DDC: variants seen among roughly 807,000 people sequenced by gnomAD.
DDC encodes the protein dopa decarboxylase.
DDC carries 43 observed loss-of-function variants against 60.0 expected under a neutral mutation model. The observed-to-expected ratio is 0.72, with a 90% confidence interval of 0.56 to 0.92. DDC has a LOEUF of 0.92. DDC is among the 40% of genes least tolerant of loss of function. The probability of loss-of-function intolerance (pLI) is 0.00; values close to 1 mark genes in which losing one functional copy is unlikely to be tolerated. For missense variants in DDC, 573 were observed against 620.2 expected (o/e 0.92, Z 0.81); for synonymous variants, 232 against 234.6 (o/e 0.99, Z 0.10).
At chr7:50,511,822 A>G (rs1488666164) in intron 6 of DDC, among the ~76,000 whole-genome samples, 1 of 152,232 alleles carries the variant, frequency 6.6e-6, no homozygotes, top group African/African-American at 2.4e-5. Flanking sequence ...AAACAAGAGA[A>G]GGCAAAGAAT....
chr7:50,521,307 T>TA (rs2043883576), intron 6 of DDC, among the ~76,000 whole-genome samples: 1 of 152,096 alleles, frequency 6.6e-6, no homozygotes, highest in Non-Finnish European at 1.5e-5. Context: ...GATCAATAAT[T>TA]AAAAACCTTC....
At chr7:50,505,804 T>C (rs1468688632) in intron 6 of DDC, among the ~76,000 whole-genome samples, 1 of 152,238 alleles carries the variant, frequency 6.6e-6, no homozygotes, top group East Asian at 1.9e-4. Flanking sequence ...GCTCTCTGTG[T>C]CACTGAGCTA....
intron 2 of DDC, among the ~76,000 whole-genome samples, chr7:50,540,941 CA>C (rs1013569102): frequency 1.3e-5 from 2 of 152,208 alleles, no homozygotes; most frequent in African/African-American, 4.8e-5. Context: ...GGAGGACGAT[CA>C]GGGGAGGACA....
At chr7:50,512,318 A>G (rs2043601376) in intron 6 of DDC, among the ~76,000 whole-genome samples, 1 of 152,220 alleles carries the variant, frequency 6.6e-6, no homozygotes, top group South Asian at 2.1e-4. Flanking sequence ...TTACAGATAT[A>G]GGGTAAAGAG....
chr7:50,501,085 G>A (rs554505854), intron 7 of DDC, among the ~76,000 whole-genome samples: 243 of 152,294 alleles, frequency 1.6e-3, no homozygotes, highest in South Asian at 6.2e-3. Context: ...TGCACCAGGG[G>A]CACACCTAGC....
At chr7:50,482,866 A>G (rs552504043) in intron 9 of DDC, among the ~76,000 whole-genome samples, 5 of 152,350 alleles carry the variant, frequency 3.3e-5, no homozygotes, top group African/African-American at 1.2e-4. Flanking sequence ...AACCTTAAAA[A>G]TGTTAGTGTA....
rs771833787 is a variant in DDC, at chr7:50,499,140, G to A, written c.876+8C>T. On this transcript the variant is annotated splice_region_variant and intron_variant, in intron 8 of 14. Transcript: ENST00000444124. ...AACAGCCTTAGGGAGAGCGAAGGGTGCACCTACCTCCACTCCATTCAGAAG... is the reference window on the plus strand; with the variant it reads ...AACAGCCTTAGGGAGAGCGAAGGGTACACCTACCTCCACTCCATTCAGAAG... 54 of 1,608,262 alleles carry A rather than the reference G, an allele frequency of 3.4e-5. No individual in the cohort carries two copies. Among genetic ancestry groups the A allele is most frequent in the Non-Finnish European group, 4.6e-5 (54 of 1,174,884 alleles).
chr7:50,459,394 C>T lies in DDC; in HGVS notation c.*19-551G>A, dbSNP rs192464796. Among the ~76,000 whole-genome samples the T allele has an allele frequency of 3.9e-3, 589 of 151,804 alleles. 1 individual carries two copies. The highest frequency in any genetic ancestry group is 7.1e-3 in the Non-Finnish European group (484 of 67,892). On this transcript the variant is annotated intron_variant, in intron 14 of 14. Coordinates refer to ENST00000444124, the MANE Select transcript of DDC (RefSeq NM_001082971.2). ...CGGCCGCCACCCCGGTTGGGAAGTGCGGAGCGTCTCTGCCTGGCCGCCCAT... is the reference window on the plus strand; with the variant it reads ...CGGCCGCCACCCCGGTTGGGAAGTGTGGAGCGTCTCTGCCTGGCCGCCCAT...
At chr7:50,544,542 T>C (rs1044610530) in intron 1 of DDC, among the ~76,000 whole-genome samples, 1 of 152,118 alleles carries the variant, frequency 6.6e-6, no homozygotes. Context: ...CAGGAGGGCA[T>C]GAAGGCACAG....
chr7:50,522,364 A>T (rs1396879481), intron 6 of DDC, among the ~76,000 whole-genome samples: 1 of 152,218 alleles, frequency 6.6e-6, no homozygotes, highest in Non-Finnish European at 1.5e-5. Context: ...GCGTAAATTC[A>T]ATGCAATCCT....
At chr7:50,530,247 C>G (rs897200843) in intron 4 of DDC, among the ~76,000 whole-genome samples, 2 of 151,698 alleles carry the variant, frequency 1.3e-5, no homozygotes, top group Non-Finnish European at 2.9e-5. Flanking sequence ...AGAGTGAGAC[C>G]CAGTCTCAAA....
chr7:50,499,217 G>C lies in DDC; in HGVS notation c.807C>G (p.His269Gln). 1.9e-6 allele frequency: 3 copies of C among 1,613,326 alleles called. No individual in the cohort carries two copies. Among genetic ancestry groups the C allele is most frequent in the Non-Finnish European group, 2.5e-6 (3 of 1,179,574 alleles). ...PICNKEDIWL[H>Q]VDAAYAGSAF... ...CACTGCCTGCGTAGGCTGCATCAAC[G>C]TGCAGCCATATGTCTTCCTTGTTGC... Residue 269 changes from histidine (H) to glutamine (Q), a missense_variant, in exon 8 of 15, where the codon CAC becomes CAG. Transcript: ENST00000444124.
intron 6 of DDC, among the ~76,000 whole-genome samples, chr7:50,507,907 G>A (rs773779532): frequency 5.3e-5 from 8 of 152,210 alleles, no homozygotes; most frequent in African/African-American, 9.6e-5. Flanking sequence ...CCACTTTACA[G>A]TTGACTTATG....
intron 4 of DDC, among the ~76,000 whole-genome samples, chr7:50,535,161 T>C (rs908926646): frequency 6.8e-6 from 1 of 146,220 alleles, no homozygotes; most frequent in African/African-American, 2.5e-5. Flanking sequence ...CTTTTCTTTC[T>C]TTTTTTTTTT....
rs1389329468 is a variant in DDC at position 50,463,361 on chromosome 7, C to T, written c.1313G>A (p.Cys438Tyr). 4 of 1,614,228 alleles carry T rather than the reference C, an allele frequency of 2.5e-6. No individual in the cohort carries two copies. Among genetic ancestry groups the T allele is most frequent in the Non-Finnish European group, 3.4e-6 (4 of 1,180,036 alleles). ...CAGGACAAACTTGTCCCTGAGGTGA[C>T]ATGGAACCAAGTGGATTTTTTTGGC... ...NSAKKIHLVP[C>Y]HLRDKFVLRF... is the part of the protein sequence containing the mutation. The change falls in exon 14 of 15, where the codon TGT (cysteine) becomes TAT (tyrosine). Residue 438 changes from cysteine (C) to tyrosine (Y), a missense_variant. Transcript: ENST00000444124.
At chr7:50,492,835 T>G in intron 9 of DDC, 2 of 1,533,310 alleles carry the variant, frequency 1.3e-6, no homozygotes, top group South Asian at 2.4e-5. Flanking sequence ...CCGGGAGAGA[T>G]GAGCGCACAG....
intron 6 of DDC, among the ~76,000 whole-genome samples, chr7:50,510,358 A>T (rs558672493): frequency 6.6e-6 from 1 of 152,270 alleles, no homozygotes; most frequent in African/African-American, 2.4e-5. Flanking sequence ...TTTTAAGTGC[A>T]CCAATTACTA....
At position 50,482,988 on chromosome 7, in the gene DDC, T is replaced by C. The variant is rs112224290; in HGVS notation, c.945-3125A>G. Reference sequence around the variant, plus strand: ...TATGTCTTCCATACTGATCCTTACATGTTTACTTCTTTATCTTTTTTTTTT... The same window carrying C: ...TATGTCTTCCATACTGATCCTTACACGTTTACTTCTTTATCTTTTTTTTTT... On this transcript the variant is annotated intron_variant, in intron 9 of 14. Transcript: ENST00000444124. Among the ~76,000 whole-genome samples the C allele has an allele frequency of 7.1e-4, 107 of 151,418 alleles. 1 individual carries two copies. The highest frequency in any genetic ancestry group is 2.5e-3 in the African/African-American group (105 of 41,404).
intron 6 of DDC, among the ~76,000 whole-genome samples, chr7:50,526,171 C>T (rs1430368576): frequency 6.6e-6 from 1 of 152,158 alleles, no homozygotes; most frequent in African/African-American, 2.4e-5. Flanking sequence ...GCAAGCAGCA[C>T]CTCCATTGGC....
Sources: allele counts gnomAD v4.1 joint callset (sites outside exome capture counted in the v4.1 genomes callset), GRCh38; gene constraint gnomAD v4.1.1; transcripts MANE v1.5; gene names NCBI Gene and HGNC (gene_info 2026-07-23, HGNC 2026-07-21).